Variants in UNC5C observed in about 807,000 individuals in gnomAD.
The protein encoded by UNC5C is netrin receptor UNC5C.
A neutral mutation model predicts 99.8 loss-of-function variants in UNC5C; 47 were observed. The observed-to-expected ratio is 0.47, with a 90% confidence interval of 0.37 to 0.60. The LOEUF (loss-of-function observed/expected upper bound fraction) is 0.60, where lower values mean the gene tolerates loss of function less well. Among genes scored for constraint, UNC5C ranks in the 20% least tolerant of loss-of-function variants. The probability of loss-of-function intolerance (pLI) is 0.00; values close to 1 mark genes in which losing one functional copy is unlikely to be tolerated. For missense variants in UNC5C, 1,062 were observed against 1,165.9 expected, an observed-to-expected ratio of 0.91 and a Z score of 1.30; for synonymous variants, 487 against 452.2, an observed-to-expected ratio of 1.08 and a Z score of -0.98.
At chr4:95,302,306 T>A (rs1741910031) in intron 2 of UNC5C, among the ~76,000 whole-genome samples, 1 of 152,236 alleles carries the variant, frequency 6.6e-6, no homozygotes, top group Non-Finnish European at 1.5e-5. Flanking sequence ...AAAGTTTTCA[T>A]GCATAATAGT....
At chr4:95,428,226 A>G (rs1289153146) in intron 1 of UNC5C, among the ~76,000 whole-genome samples, 1 of 152,140 alleles carries the variant, frequency 6.6e-6, no homozygotes, top group Non-Finnish European at 1.5e-5. Context: ...AATTCTATAC[A>G]TGTAACTATT....
chr4:95,378,762 T>C (rs927815370), intron 1 of UNC5C, among the ~76,000 whole-genome samples: 1 of 152,160 alleles, frequency 6.6e-6, no homozygotes, highest in African/African-American at 2.4e-5. Context: ...AAACTACAAT[T>C]TCTAAAATTT....
intron 4 of UNC5C, among the ~76,000 whole-genome samples, chr4:95,257,128 C>T (rs540785222): frequency 3.9e-5 from 6 of 152,154 alleles, no homozygotes; most frequent in Admixed American, 3.9e-4. Flanking sequence ...TCACTATCAA[C>T]CATCACACTA....
rs1219619913 is a variant in UNC5C at position 95,197,026 on chromosome 4, T to C, written c.2136+5705A>G. Among the ~76,000 whole-genome samples, 209 of 37,888 alleles carry C rather than the reference T, an allele frequency of 5.5e-3. 9 individuals carry two copies. The highest frequency in any genetic ancestry group is 6.0e-3 in the Non-Finnish European group (144 of 23,926). 24.9% of individuals were successfully genotyped at this position (37,888 alleles called of 152,430 possible). On this transcript the variant is annotated intron_variant, in intron 12 of 15. Coordinates refer to ENST00000453304, the MANE Select transcript of UNC5C (RefSeq NM_003728.4). ...TATTATATTTATGTAATATATAATA[T>C]ATATTTATATATTATATTTATGTAA...
intron 3 of UNC5C, among the ~76,000 whole-genome samples, chr4:95,296,524 A>G (rs72676405): frequency 1.3e-5 from 2 of 151,918 alleles, no homozygotes; most frequent in Non-Finnish European, 2.9e-5. Context: ...ACATATAATT[A>G]TATATATATA....
intron 1 of UNC5C, among the ~76,000 whole-genome samples, chr4:95,364,241 C>A (rs1019101674): frequency 6.6e-6 from 1 of 152,200 alleles, no homozygotes; most frequent in Non-Finnish European, 1.5e-5. Flanking sequence ...ACTCCACCAA[C>A]AACTGCACAA....
intron 10 of UNC5C, among the ~76,000 whole-genome samples, chr4:95,212,996 CCTT>C (rs1738126898): frequency 6.6e-6 from 1 of 152,216 alleles, no homozygotes; most frequent in African/African-American, 2.4e-5. Context: ...CTGGGCGAGT[CCTT>C]CTGTTCCCTC....
rs964611330 is a variant in UNC5C at position 95,167,451 on chromosome 4, A to G, written c.*1783T>C. 10 of 152,220 alleles carry G rather than the reference A, an allele frequency of 6.6e-5. No individual in the cohort carries two copies. Among genetic ancestry groups the G allele is most frequent in the African/African-American group, 1.9e-4 (8 of 41,464 alleles). The allele number at this position is 152,220 out of a possible 1,614,324, so 9.4% of individuals were successfully genotyped here. ...AGAGCTAACTAGACAGCTTTTATAA[A>G]TGCTACTGAATATTATGACAGCAAA... is the stretch of plus-strand genomic sequence containing the variant. On this transcript the variant is annotated 3_prime_UTR_variant, in exon 16 of 16. Transcript: ENST00000453304.
chr4:95,281,068 CA>C (rs1741041190), intron 3 of UNC5C, among the ~76,000 whole-genome samples: 1 of 152,120 alleles, frequency 6.6e-6, no homozygotes, highest in Non-Finnish European at 1.5e-5. Flanking sequence ...ATGTTCTTGA[CA>C]AAGTATATCT....
chr4:95,228,623 C>A (rs894139402), intron 7 of UNC5C, among the ~76,000 whole-genome samples: 1 of 152,214 alleles, frequency 6.6e-6, no homozygotes, highest in Non-Finnish European at 1.5e-5. Context: ...CCTCAGGCTA[C>A]ACCTCCACCG....
At chr4:95,507,551 TGTA>T (rs1721957796) in intron 1 of UNC5C, among the ~76,000 whole-genome samples, 1 of 152,042 alleles carries the variant, frequency 6.6e-6, no homozygotes, top group African/African-American at 2.4e-5. Context: ...TCTACACACT[TGTA>T]GCACTTAGCG....
chr4:95,194,475 G>T (rs985721530), intron 12 of UNC5C, among the ~76,000 whole-genome samples: 1 of 152,066 alleles, frequency 6.6e-6, no homozygotes, highest in African/African-American at 2.4e-5. Context: ...GTGTGTCAGT[G>T]GGGCTGCCCT....
intron 1 of UNC5C, among the ~76,000 whole-genome samples, chr4:95,475,128 T>A (rs1325570415): frequency 1.3e-5 from 2 of 152,054 alleles, no homozygotes; most frequent in Non-Finnish European, 2.9e-5. Context: ...CTTCATTCAC[T>A]TTTAGCTTAG....
chr4:95,230,641 A>G (rs962362733), intron 7 of UNC5C, among the ~76,000 whole-genome samples: 1 of 151,992 alleles, frequency 6.6e-6, no homozygotes, highest in Non-Finnish European at 1.5e-5. Context: ...GAAGGGGTCC[A>G]GTTTTAGTTT....
Position 95,301,703 on chromosome 4 carries a change from C to A in UNC5C, c.393G>T (p.Val131=). ...EVSIEISRQQ[V]EELFGPEDYW... ...AATCTTCAGGTCCAAAGAGTTCTTC[C>A]ACTTGCTGGCGCGAAATCTCAATGC... Residue 131 remains valine (V), a synonymous_variant, in exon 3 of 16, where the codon GTG becomes GTT. Coordinates refer to ENST00000453304, the MANE Select transcript of UNC5C (RefSeq NM_003728.4). The A allele has an allele frequency of 6.2e-7, 1 of 1,613,318 alleles. No individual in the cohort carries two copies. Among genetic ancestry groups the A allele is most frequent in the Non-Finnish European group, 8.5e-7 (1 of 1,180,004 alleles).
intron 1 of UNC5C, among the ~76,000 whole-genome samples, chr4:95,442,724 G>A (rs1479364036): frequency 6.6e-6 from 1 of 152,020 alleles, no homozygotes. Flanking sequence ...CACAAATGTA[G>A]CCTAATATAA....
In UNC5C at chr4:95,219,977, C is replaced by T. The variant is rs1374446250; in HGVS notation, c.1300+8G>A. On this transcript the variant is annotated splice_region_variant and intron_variant, in intron 8 of 15. Transcript: ENST00000453304. Reference sequence around the variant, plus strand: ...AGTAACAGGGTGTGAAGTGGAATGTCAACTGACCTTGTCTTGCTGCCTTGA... The same window carrying T: ...AGTAACAGGGTGTGAAGTGGAATGTTAACTGACCTTGTCTTGCTGCCTTGA... 6.2e-7 allele frequency: 1 copy of T among 1,611,928 alleles called. No individual in the cohort carries two copies. Among genetic ancestry groups the T allele is most frequent in the Non-Finnish European group, 8.5e-7 (1 of 1,178,766 alleles).
chr4:95,181,423 C>G (rs1007567854), intron 14 of UNC5C, among the ~76,000 whole-genome samples: 2 of 152,162 alleles, frequency 1.3e-5, no homozygotes, highest in Non-Finnish European at 2.9e-5. Flanking sequence ...CTTTTTAACA[C>G]GCAGCCAATG....
At chr4:95,209,254 G>T (rs1475150588) in intron 10 of UNC5C, among the ~76,000 whole-genome samples, 1 of 152,154 alleles carries the variant, frequency 6.6e-6, no homozygotes, top group Non-Finnish European at 1.5e-5. Context: ...GCTGTCTGTT[G>T]TCTTTGATCC....
Sources: gnomAD v4.1 joint callset for allele counts (sites outside exome capture counted in the v4.1 genomes callset) on GRCh38, gnomAD v4.1.1 for gene constraint, MANE v1.5 for transcripts, NCBI Gene and HGNC (gene_info 2026-07-23, HGNC 2026-07-21) for gene names.